GALNT13: variants seen among roughly 807,000 people sequenced by gnomAD.
GALNT13 encodes UDP-GalNAc:polypeptide N-acetylgalactosaminyltransferase 13.
In GALNT13, 28 loss-of-function variants were observed where a neutral mutation model predicts 64.2. The ratio of observed to expected loss-of-function variants is 0.44; its 90% CI spans 0.32 to 0.60. GALNT13 has a LOEUF of 0.60. Ranked by LOEUF, GALNT13 falls within the 20% of genes least tolerant of loss-of-function variation. GALNT13 has a pLI of 0.05. For missense variants in GALNT13, 577 were observed against 669.8 expected, an observed-to-expected ratio of 0.86 and a Z score of 1.53; for synonymous variants, 214 against 224.6, an observed-to-expected ratio of 0.95 and a Z score of 0.42.
In GALNT13 at chr2:154,085,926, C is replaced by A. The variant is rs185369143; in HGVS notation, c.143-54411C>A. ...AGAAAAAATTAAAATAAAAAATAAA[C>A]GTAAAAAAATAAAGTATGTTGTAAT... On this transcript the variant is annotated intron_variant, in intron 3 of 12. Transcript: ENST00000392825. Among the ~76,000 whole-genome samples the A allele has an allele frequency of 7.9e-3, 1,202 of 151,528 alleles. 11 individuals carry two copies. Among genetic ancestry groups the A allele is most frequent in the Non-Finnish European group, 0.012 (846 of 67,814 alleles).
rs112528663 is a variant in GALNT13 at position 154,046,787 on chromosome 2, C to G, written c.143-93550C>G. On this transcript the variant is annotated intron_variant, in intron 3 of 12. Coordinates refer to ENST00000392825, the MANE Select transcript of GALNT13 (RefSeq NM_052917.4). ...GAAAGAAGAAAAGGAAGATTAAAAGCCATCTGAGGATACAGGAAGAAGGTG... is the reference window on the plus strand; with the variant it reads ...GAAAGAAGAAAAGGAAGATTAAAAGGCATCTGAGGATACAGGAAGAAGGTG... Among the ~76,000 whole-genome samples, 244 of 152,140 alleles carry G rather than the reference C, an allele frequency of 1.6e-3. 1 individual carries two copies. The Middle Eastern group carries it at 0.017, about 11-fold the overall frequency.
At chr2:153,327,651 T>G in the GALNT13 span, among the ~76,000 whole-genome samples, 1 of 151,922 alleles carries the variant, frequency 6.6e-6, no homozygotes, top group Non-Finnish European at 1.5e-5. Context: ...ATTAGATCAT[T>G]TATATTCTTC....
chr2:153,073,102 A>T, the GALNT13 span, among the ~76,000 whole-genome samples: 2 of 152,188 alleles, frequency 1.3e-5, no homozygotes, highest in Non-Finnish European at 2.9e-5. Flanking sequence ...GCAGATCATA[A>T]GTAGGTTACG....
At chr2:154,232,642 A>G (rs923843287) in intron 4 of GALNT13, among the ~76,000 whole-genome samples, 3 of 152,248 alleles carry the variant, frequency 2.0e-5, no homozygotes, top group Admixed American at 2.0e-4. Flanking sequence ...TAACTTTTGA[A>G]ATCAGATTGC....
the GALNT13 span, among the ~76,000 whole-genome samples, chr2:153,545,052 A>G: frequency 1.3e-5 from 2 of 152,140 alleles, no homozygotes; most frequent in Non-Finnish European, 2.9e-5. Flanking sequence ...AAATCAGATT[A>G]TAATTTTTCT....
chr2:153,923,234 A>G (rs1689875232), intron 2 of GALNT13, among the ~76,000 whole-genome samples: 1 of 152,204 alleles, frequency 6.6e-6, no homozygotes, highest in South Asian at 2.1e-4. Context: ...ATTTAAAAAC[A>G]GAATAAAATG....
At chr2:154,125,583 C>T (rs1682213479) in intron 3 of GALNT13, among the ~76,000 whole-genome samples, 1 of 151,806 alleles carries the variant, frequency 6.6e-6, no homozygotes, top group South Asian at 2.1e-4. Flanking sequence ...TCTGCATGTA[C>T]AAAAACGCAA....
intron 8 of GALNT13, among the ~76,000 whole-genome samples, chr2:154,294,642 G>C (rs1692816213): frequency 6.6e-6 from 1 of 152,142 alleles, no homozygotes; most frequent in African/African-American, 2.4e-5. Flanking sequence ...AAGACCTAAA[G>C]ATCCAAGAAT....
At chr2:154,164,397 A>G (rs1002608733) in intron 4 of GALNT13, among the ~76,000 whole-genome samples, 6 of 152,152 alleles carry the variant, frequency 3.9e-5, no homozygotes, top group Non-Finnish European at 8.8e-5. Flanking sequence ...ATTTGGAGTT[A>G]TAGCTTAAAT....
At chr2:154,023,177 G>T (rs1470805189) in intron 3 of GALNT13, among the ~76,000 whole-genome samples, 1 of 152,158 alleles carries the variant, frequency 6.6e-6, no homozygotes, top group Non-Finnish European at 1.5e-5. Context: ...TGTTGATTTG[G>T]GGTGGAGAGT....
intron 3 of GALNT13, among the ~76,000 whole-genome samples, chr2:154,098,562 G>T (rs1022012358): frequency 1.3e-5 from 2 of 151,942 alleles, no homozygotes; most frequent in South Asian, 4.1e-4. Flanking sequence ...AGTGAGCATT[G>T]TACCCAATAG....
chr2:153,088,654 C>T, the GALNT13 span, among the ~76,000 whole-genome samples: 6 of 152,112 alleles, frequency 3.9e-5, no homozygotes, highest in African/African-American at 1.4e-4. Context: ...GTGTTAGATG[C>T]ATATATATTT....
chr2:153,668,083 C>G, the GALNT13 span, among the ~76,000 whole-genome samples: 1 of 152,054 alleles, frequency 6.6e-6, no homozygotes, highest in Non-Finnish European at 1.5e-5. Flanking sequence ...TATATATGCA[C>G]CCAACACTGG....
At chr2:153,734,148 G>A in the GALNT13 span, among the ~76,000 whole-genome samples, 1 of 152,054 alleles carries the variant, frequency 6.6e-6, no homozygotes, top group African/African-American at 2.4e-5. Flanking sequence ...GGTGGCCCCC[G>A]TGAACACTCA....
At chr2:154,072,895 G>A (rs1700804003) in intron 3 of GALNT13, among the ~76,000 whole-genome samples, 1 of 151,976 alleles carries the variant, frequency 6.6e-6, no homozygotes, top group Non-Finnish European at 1.5e-5. Flanking sequence ...ATACCTCAGG[G>A]AGATAGGGAT....
At chr2:153,988,459 T>A (rs1048417313) in intron 3 of GALNT13, among the ~76,000 whole-genome samples, 3 of 152,002 alleles carry the variant, frequency 2.0e-5, no homozygotes, top group Non-Finnish European at 4.4e-5. Context: ...TCACTTAACA[T>A]AATGTCCTCC....
chr2:153,437,929 C>T, the GALNT13 span, among the ~76,000 whole-genome samples: 1 of 152,232 alleles, frequency 6.6e-6, no homozygotes, highest in African/African-American at 2.4e-5. Flanking sequence ...CCTCGATGGT[C>T]TTTACAATTG....
intron 7 of GALNT13, among the ~76,000 whole-genome samples, chr2:154,252,663 A>G (rs1226344343): frequency 1.3e-5 from 2 of 152,020 alleles, no homozygotes; most frequent in East Asian, 3.9e-4. Context: ...GCTAGGAAAA[A>G]TGTATTTCTA....
At chr2:153,849,765 C>CA in the GALNT13 span, among the ~76,000 whole-genome samples, 4 of 151,736 alleles carry the variant, frequency 2.6e-5, no homozygotes, top group Non-Finnish European at 5.9e-5. Context: ...TAGACAGCTG[C>CA]AAAAAAATCT....
Sources: gnomAD v4.1 joint callset for allele counts (sites outside exome capture counted in the v4.1 genomes callset) on GRCh38, gnomAD v4.1.1 for gene constraint, MANE v1.5 for transcripts, NCBI Gene and HGNC (gene_info 2026-07-23, HGNC 2026-07-21) for gene names.